Variants in SLC24A3 observed in about 807,000 individuals in gnomAD.
The protein encoded by SLC24A3 is sodium/potassium/calcium exchanger 3.
SLC24A3 carries 28 observed loss-of-function variants against 75.8 expected under a neutral mutation model. The observed-to-expected ratio is 0.37, with a 90% confidence interval of 0.27 to 0.51. The LOEUF is 0.51. Among genes scored for constraint, SLC24A3 ranks in the 20% least tolerant of loss-of-function variants. SLC24A3 has a pLI of 0.94. For synonymous variants in SLC24A3, 372 were observed against 334.1 expected, an observed-to-expected ratio of 1.11 and a Z score of -1.24; for missense variants, 663 against 847.8, an observed-to-expected ratio of 0.78 and a Z score of 2.71.
intron 3 of SLC24A3, among the ~76,000 whole-genome samples, chr20:19,568,627 T>C (rs2031000030): frequency 6.6e-6 from 1 of 152,154 alleles, no homozygotes; most frequent in South Asian, 2.1e-4. Context: ...AGTTATTGTT[T>C]AATAAGGACA....
At chr20:19,532,718 A>G (rs1485883487) in intron 3 of SLC24A3, among the ~76,000 whole-genome samples, 1 of 152,228 alleles carries the variant, frequency 6.6e-6, no homozygotes, top group Non-Finnish European at 1.5e-5. Context: ...TCGGTGTTCC[A>G]CACACCGTCT....
chr20:19,713,685 G>A (rs955570934), intron 15 of SLC24A3, among the ~76,000 whole-genome samples: 3 of 152,086 alleles, frequency 2.0e-5, no homozygotes, highest in Non-Finnish European at 1.5e-5. Context: ...AAGCAGCCTC[G>A]GGTGCAAGGA....
intron 2 of SLC24A3, among the ~76,000 whole-genome samples, chr20:19,335,851 C>T (rs79073825): frequency 0.012 from 1,903 of 152,262 alleles, 43 homozygotes; most frequent in African/African-American, 0.043. Flanking sequence ...ACATACATGA[C>T]CAGTGTGTGG....
rs746614873 is a variant in SLC24A3 at position 19,591,043 on chromosome 20, AC to A, written c.612+5504del. Among the ~76,000 whole-genome samples, 8 of 151,166 alleles carry A rather than the reference AC, an allele frequency of 5.3e-5. No individual in the cohort carries two copies. The South Asian group carries it at 1.7e-3, about 32-fold the overall frequency. ...CTTTTCTCTGGCCATCCCCACCCCA[AC>A]CCCCTCAAGGCCAGGTCCTGACAGG... is the stretch of plus-strand genomic sequence containing the variant. On this transcript the variant is annotated intron_variant, in intron 6 of 16. Coordinates refer to ENST00000328041, the MANE Select transcript of SLC24A3 (RefSeq NM_020689.4).
At chr20:19,473,437 TGGTGGC>T (rs1987907494) in intron 2 of SLC24A3, among the ~76,000 whole-genome samples, 1 of 152,242 alleles carries the variant, frequency 6.6e-6, no homozygotes, top group African/African-American at 2.4e-5. Context: ...GCAGTAGTGG[TGGTGGC>T]GGTGGTAATA....
chr20:19,678,652 A>G (rs887121505), intron 9 of SLC24A3, among the ~76,000 whole-genome samples: 5 of 135,144 alleles, frequency 3.7e-5, no homozygotes, highest in Admixed American at 3.6e-4. Context: ...CTGACCCTCC[A>G]CCTCCCTCCC....
At chr20:19,486,170 G>A (rs2122524745) in intron 2 of SLC24A3, among the ~76,000 whole-genome samples, 1 of 152,288 alleles carries the variant, frequency 6.6e-6, no homozygotes, top group African/African-American at 2.4e-5. Flanking sequence ...CAGGGAAGGA[G>A]AGTCTCCCTT....
At chr20:19,550,692 C>T (rs149156135) in intron 3 of SLC24A3, among the ~76,000 whole-genome samples, 1 of 152,168 alleles carries the variant, frequency 6.6e-6, no homozygotes, top group African/African-American at 2.4e-5. Context: ...CTACTGGACC[C>T]TTATATTGTA....
intron 2 of SLC24A3, among the ~76,000 whole-genome samples, chr20:19,464,130 C>G (rs2122498485): frequency 6.6e-6 from 1 of 152,338 alleles, no homozygotes; most frequent in Admixed American, 6.5e-5. Flanking sequence ...TTCATCACAG[C>G]AGCTGTCAGG....
At chr20:19,642,835 A>G (rs1369977099) in intron 6 of SLC24A3, among the ~76,000 whole-genome samples, 3 of 152,168 alleles carry the variant, frequency 2.0e-5, no homozygotes, top group Non-Finnish European at 4.4e-5. Context: ...CAATTCTCTC[A>G]GCTCTCTTCT....
intron 2 of SLC24A3, among the ~76,000 whole-genome samples, chr20:19,354,582 T>TTG (rs1555789354): frequency 7.0e-6 from 1 of 142,872 alleles, no homozygotes; most frequent in African/African-American, 2.9e-5. Context: ...CATAAAAAAT[T>TTG]TGTGTATGTG....
intron 7 of SLC24A3, 30 bp downstream of exon 7, chr20:19,654,166 T>G: frequency 6.2e-7 from 1 of 1,605,856 alleles, no homozygotes; most frequent in Non-Finnish European, 8.5e-7. Context: ...TCAGCTCCCA[T>G]CAGTGCTCTT....
intron 1 of SLC24A3, among the ~76,000 whole-genome samples, chr20:19,218,830 G>A (rs986787789): frequency 2.6e-5 from 4 of 152,050 alleles, no homozygotes; most frequent in Non-Finnish European, 4.4e-5. Flanking sequence ...TTTCTGTATG[G>A]AGGTTTCTTT....
At chr20:19,360,951 C>T (rs550325958) in intron 2 of SLC24A3, among the ~76,000 whole-genome samples, 67 of 152,244 alleles carry the variant, frequency 4.4e-4, no homozygotes, top group South Asian at 4.1e-4. Flanking sequence ...CTCAGCCTCC[C>T]GAGTAGCTGG....
At chr20:19,545,668 G>C (rs1391814474) in intron 3 of SLC24A3, among the ~76,000 whole-genome samples, 1 of 152,176 alleles carries the variant, frequency 6.6e-6, no homozygotes, top group African/African-American at 2.4e-5. Context: ...CCCCACTGGA[G>C]CATATCCTGC....
intron 1 of SLC24A3, among the ~76,000 whole-genome samples, chr20:19,254,351 C>T (rs1051998556): frequency 5.9e-5 from 9 of 152,126 alleles, no homozygotes; most frequent in South Asian, 2.1e-4. Context: ...TCTGTGGGGA[C>T]GCGGCCTCCC....
At chr20:19,517,980 G>A (rs1374980635) in intron 3 of SLC24A3, among the ~76,000 whole-genome samples, 1 of 152,168 alleles carries the variant, frequency 6.6e-6, no homozygotes, top group Non-Finnish European at 1.5e-5. Flanking sequence ...CAGAATGTAA[G>A]CCCCAATAAA....
intron 6 of SLC24A3, among the ~76,000 whole-genome samples, chr20:19,602,535 C>G (rs1229083203): frequency 6.6e-6 from 1 of 152,192 alleles, no homozygotes; most frequent in Non-Finnish European, 1.5e-5. Flanking sequence ...CAGTTTCACC[C>G]AGGTAGGAAA....
intron 2 of SLC24A3, among the ~76,000 whole-genome samples, chr20:19,296,268 CTTTTTTT>C (rs35229035): frequency 1.4e-5 from 1 of 72,304 alleles, no homozygotes; most frequent in Non-Finnish European, 2.6e-5. Context: ...AGCTAGTGGT[CTTTTTTT>C]TTTTTTTTTT....
Sources: allele counts gnomAD v4.1 joint callset (sites outside exome capture counted in the v4.1 genomes callset), GRCh38; gene constraint gnomAD v4.1.1; transcripts MANE v1.5; gene names NCBI Gene and HGNC (gene_info 2026-07-23, HGNC 2026-07-21).